The following CLOCK variants were observed in gnomAD, a reference collection of about 807,000 sequenced individuals.
The protein encoded by CLOCK is clock circadian regulator.
CLOCK carries 43 observed loss-of-function variants against 118.4 expected under a neutral mutation model. The observed-to-expected ratio is 0.36, with a 90% CI of 0.28 to 0.47. The LOEUF is 0.47. Among genes scored for constraint, CLOCK ranks in the 20% least tolerant of loss-of-function variants. The probability of loss-of-function intolerance (pLI) is 1.00; values close to 1 mark genes in which losing one functional copy is unlikely to be tolerated. For synonymous variants in CLOCK, 326 were observed against 339.2 expected (o/e 0.96, Z 0.43); for missense variants, 846 against 999.9 (o/e 0.85, Z 2.08).
intron 1 of CLOCK, among the ~76,000 whole-genome samples, chr4:55,544,191 C>T (rs1731463190): frequency 6.6e-6 from 1 of 151,948 alleles, no homozygotes; most frequent in Non-Finnish European, 1.5e-5. Flanking sequence ...CACACACACA[C>T]ACACACACCC....
intron 3 of CLOCK, among the ~76,000 whole-genome samples, chr4:55,486,090 A>G (rs1727281281): frequency 6.6e-6 from 1 of 152,080 alleles, no homozygotes; most frequent in African/African-American, 2.4e-5. Flanking sequence ...CAATATCATA[A>G]TTTTGGTTAG....
intron 1 of CLOCK, among the ~76,000 whole-genome samples, chr4:55,525,376 G>A (rs903424641): frequency 2.0e-5 from 3 of 152,150 alleles, no homozygotes; most frequent in African/African-American, 7.2e-5. Flanking sequence ...TCAGAAGTCT[G>A]AGGCAAGAAG....
rs1722432008 is a variant in CLOCK at position 55,430,574 on chromosome 4, T to A, written c.*4841A>T. ...TAAAATTAAAGACCAAATTATACTATTTTTTTCCTTTAACCAAAGTATTCT... is the reference window on the plus strand; with the variant it reads ...TAAAATTAAAGACCAAATTATACTAATTTTTTCCTTTAACCAAAGTATTCT... On this transcript the variant is annotated 3_prime_UTR_variant, in exon 23 of 23. Transcript: ENST00000513440. 1 of 152,188 alleles carries A rather than the reference T, an allele frequency of 6.6e-6. No homozygotes were observed. Among genetic ancestry groups the A allele is most frequent in the Non-Finnish European group, 1.5e-5 (1 of 68,038 alleles). 9.4% of individuals were successfully genotyped at this position (152,188 alleles called of 1,614,324 possible). A position where few individuals can be genotyped will look rare whatever the true frequency, so the allele number is the denominator to read the frequency against.
intron 1 of CLOCK, among the ~76,000 whole-genome samples, chr4:55,524,908 T>A (rs2110071752): frequency 6.6e-6 from 1 of 150,500 alleles, no homozygotes; most frequent in South Asian, 2.1e-4. Flanking sequence ...AAAGATGATG[T>A]AATACTTTGG....
chr4:55,496,954 A>G (rs1728120574), intron 2 of CLOCK, among the ~76,000 whole-genome samples: 2 of 152,246 alleles, frequency 1.3e-5, no homozygotes, highest in South Asian at 4.1e-4. Flanking sequence ...ATCAAGATTC[A>G]ACTAATCATG....
chr4:55,520,295 C>T (rs774222667), intron 1 of CLOCK, among the ~76,000 whole-genome samples: 4 of 152,150 alleles, frequency 2.6e-5, no homozygotes, highest in Non-Finnish European at 5.9e-5. Context: ...TCTGTTTTCT[C>T]CCAAAACCTT....
intron 1 of CLOCK, among the ~76,000 whole-genome samples, chr4:55,537,716 C>G (rs1428658948): frequency 6.6e-6 from 1 of 152,122 alleles, no homozygotes; most frequent in Admixed American, 6.5e-5. Context: ...ATCACTTGAG[C>G]CTGAGAGGTC....
At position 55,496,356 on chromosome 4, in the gene CLOCK, T is replaced by TATTTG. The variant is rs555728456; in HGVS notation, c.-135-6896_-135-6892dup. 7.3e-3 allele frequency among the ~76,000 whole-genome samples: 1,113 copies of TATTTG among 152,288 alleles called. 8 individuals carry two copies. Among genetic ancestry groups the TATTTG allele is most frequent in the Non-Finnish European group, 0.01 (704 of 68,030 alleles). On this transcript the variant is annotated intron_variant, in intron 2 of 22. Transcript: ENST00000513440. The stretch of plus-strand genomic sequence containing the variant: ...AAGGCACAAGGGAGTAAAGCAAGTT[T>TATTTG]ATTTGACATGGTCGGGAAGACTAAA...
chr4:55,538,136 C>T (rs1426512057), intron 1 of CLOCK, among the ~76,000 whole-genome samples: 2 of 152,168 alleles, frequency 1.3e-5, no homozygotes, highest in Admixed American at 6.5e-5. Flanking sequence ...ACTCATTACA[C>T]TTTCTACAGA....
intron 8 of CLOCK, among the ~76,000 whole-genome samples, chr4:55,464,484 C>T (rs996210749): frequency 6.6e-6 from 1 of 152,128 alleles, no homozygotes; most frequent in Non-Finnish European, 1.5e-5. Context: ...AACAAAACTT[C>T]CATGACTTTA....
At position 55,429,645 on chromosome 4, in the gene CLOCK, C is replaced by CT. The variant is rs1722382082; in HGVS notation, c.*5769dup. The CT allele has an allele frequency of 6.6e-6, 1 of 152,166 alleles. No homozygotes were observed. 9.4% of individuals were successfully genotyped at this position (152,166 alleles called of 1,614,324 possible). A position where few individuals can be genotyped will look rare whatever the true frequency, so the allele number is the denominator to read the frequency against. On this transcript the variant is annotated 3_prime_UTR_variant, in exon 23 of 23. Transcript: ENST00000513440. ...CCATTAAAAGATGCTATTTCTTTTA[C>CT]TAACATTTCCCCAAATGGGCAAAAT...
chr4:55,454,399 G>A (rs111853307), intron 13 of CLOCK, among the ~76,000 whole-genome samples: 4,980 of 152,062 alleles, frequency 0.033, 278 homozygotes, highest in African/African-American at 0.11. Flanking sequence ...AGGATCACTT[G>A]AGGTCAGGAG....
At chr4:55,518,404 A>T (rs1361507329) in intron 1 of CLOCK, among the ~76,000 whole-genome samples, 1 of 152,176 alleles carries the variant, frequency 6.6e-6, no homozygotes. Context: ...CTAAACAAAA[A>T]TGCCAAATAT....
At position 55,478,924 on chromosome 4, in the gene CLOCK, T is replaced by C. The variant is rs774002992; in HGVS notation, c.147A>G (p.Gln49=). Residue 49 remains glutamine, a synonymous_variant, in exon 6 of 23, where the codon CAA becomes CAG. Coordinates refer to ENST00000513440, the MANE Select transcript of CLOCK (RefSeq NM_004898.4). ...CCAGTTCTTTAATGAGAACATTAAATTGATCTCTACGTTTCTTTTCAGATT... is the reference window on the plus strand; with the variant it reads ...CCAGTTCTTTAATGAGAACATTAAACTGATCTCTACGTTTCTTTTCAGATT... ...RNKSEKKRRD[Q]FNVLIKELGS... 4.4e-6 allele frequency: 7 copies of C among 1,604,416 alleles called. No individual in the cohort carries two copies. The East Asian group carries it at 6.7e-5, about 15-fold the overall frequency.
intron 11 of CLOCK, among the ~76,000 whole-genome samples, chr4:55,457,821 C>A (rs1385029190): frequency 1.3e-5 from 2 of 152,154 alleles, no homozygotes; most frequent in Admixed American, 1.3e-4. Context: ...AGTTTCATCA[C>A]TAATAGCTGA....
chr4:55,474,168 T>C (rs1227717676), intron 7 of CLOCK, among the ~76,000 whole-genome samples: 1 of 152,118 alleles, frequency 6.6e-6, no homozygotes, highest in African/African-American at 2.4e-5. Context: ...AGTGAACACA[T>C]GTATGATAAG....
Position 55,455,932 on chromosome 4 carries a change from T to A in CLOCK, c.947A>T (p.Asp316Val). ...GTSGYDYYHVDDLENLAKCHE... is the reference protein window; with the variant it reads ...GTSGYDYYHVVDLENLAKCHE... ...ACATTTTGCCAAATTTTCTAGGTCA[T>A]CCACATGATAGTAATCATAGCCTGA... is the stretch of plus-strand genomic sequence containing the variant. Residue 316 changes from aspartate to valine, a missense_variant, in exon 13 of 23, where the codon GAT becomes GTT. By Grantham distance (152) the Asp-to-Val change is radical (BLOSUM62 -3). Transcript: ENST00000513440. 1 of 1,613,754 alleles carries A rather than the reference T, an allele frequency of 6.2e-7. No homozygotes were observed. Among genetic ancestry groups the A allele is most frequent in the Non-Finnish European group, 8.5e-7 (1 of 1,179,784 alleles).
chr4:55,484,551 C>T (rs183565132), intron 3 of CLOCK, among the ~76,000 whole-genome samples: 60 of 152,096 alleles, frequency 3.9e-4, no homozygotes, highest in African/African-American at 1.4e-3. Context: ...GTCCAACAGA[C>T]ATATTTATCT....
At chr4:55,538,158 C>G (rs1250397228) in intron 1 of CLOCK, among the ~76,000 whole-genome samples, 1 of 152,082 alleles carries the variant, frequency 6.6e-6, no homozygotes, top group Non-Finnish European at 1.5e-5. Flanking sequence ...ATTAAAAGAA[C>G]AATAATAGAG....
Sources: gnomAD v4.1 joint callset for allele counts (sites outside exome capture counted in the v4.1 genomes callset) on GRCh38, gnomAD v4.1.1 for gene constraint, MANE v1.5 for transcripts, NCBI Gene and HGNC (gene_info 2026-07-23, HGNC 2026-07-21) for gene names.